KCNH1: variants seen among roughly 807,000 people sequenced by gnomAD.
KCNH1 encodes the protein potassium voltage-gated channel subfamily H member 1, also known as voltage-gated delayed rectifier potassium channel KCNH1.
KCNH1 carries 27 observed loss-of-function variants against 69.2 expected under a neutral mutation model. That is an observed-to-expected ratio of 0.39 (90% confidence interval 0.29 to 0.54). KCNH1 has a LOEUF of 0.54. Ranked by LOEUF, KCNH1 falls within the 20% of genes least tolerant of loss-of-function variation. The pLI is 0.68. For synonymous variants in KCNH1, 456 were observed against 487.7 expected, an observed-to-expected ratio of 0.93 and a Z score of 0.86; for missense variants, 798 against 1,261.6, an observed-to-expected ratio of 0.63 and a Z score of 5.57.
At chr1:211,108,390 G>C (rs1042231896) in intron 1 of KCNH1, 6 of 91,214 alleles carry the variant, frequency 6.6e-5, no homozygotes, top group Admixed American at 2.1e-4. Flanking sequence ...TATTATGTGT[G>C]TCTGTGTGTG....
intron 10 of KCNH1, among the ~76,000 whole-genome samples, chr1:210,726,139 A>G (rs1682584142): frequency 6.6e-6 from 1 of 152,180 alleles, no homozygotes. Context: ...ATTTCAATGC[A>G]AAAGGAGGTA....
chr1:211,027,895 C>T (rs1356390893), intron 5 of KCNH1, among the ~76,000 whole-genome samples: 2 of 152,090 alleles, frequency 1.3e-5, no homozygotes, highest in African/African-American at 4.8e-5. Flanking sequence ...GATAGAGCAA[C>T]TAGGTAGAAA....
intron 10 of KCNH1, among the ~76,000 whole-genome samples, chr1:210,703,034 A>G (rs1681821244): frequency 6.6e-6 from 1 of 152,088 alleles, no homozygotes; most frequent in African/African-American, 2.4e-5. Flanking sequence ...CTAATCTCCC[A>G]CATTTAACAC....
rs1276917284 is a variant in KCNH1 at position 210,679,055 on chromosome 1, G to C, written c.*4226C>G. 1 of 152,232 alleles carries C rather than the reference G, an allele frequency of 6.6e-6. No homozygotes were observed. Among genetic ancestry groups the C allele is most frequent in the Non-Finnish European group, 1.5e-5 (1 of 68,040 alleles). The allele number at this position is 152,232 out of a possible 1,614,324, so 9.4% of individuals were successfully genotyped here. A position where few individuals can be genotyped will look rare whatever the true frequency, so the allele number is the denominator to read the frequency against. On this transcript the variant is annotated 3_prime_UTR_variant, in exon 11 of 11. Coordinates refer to ENST00000271751, the MANE Select transcript of KCNH1 (RefSeq NM_172362.3). ...TGATTCTTTTGAGCTGTAGGGGGTA[G>C]AAATTAAAACTTCTCAACATGAACA... is the stretch of plus-strand genomic sequence containing the variant.
chr1:210,709,717 GAAA>G (rs1682009643), intron 10 of KCNH1, among the ~76,000 whole-genome samples: 1 of 136,216 alleles, frequency 7.3e-6, no homozygotes. Flanking sequence ...GAGAAAGAAA[GAAA>G]GAAGAGAGAG....
At chr1:210,799,737 C>T (rs920362606) in intron 8 of KCNH1, among the ~76,000 whole-genome samples, 1 of 152,202 alleles carries the variant, frequency 6.6e-6, no homozygotes, top group Admixed American at 6.5e-5. Flanking sequence ...TACTTTCCCA[C>T]CTCTGCTTCT....
intron 7 of KCNH1, among the ~76,000 whole-genome samples, chr1:210,848,617 TC>T (rs1685612368): frequency 6.6e-6 from 1 of 152,220 alleles, no homozygotes; most frequent in Non-Finnish European, 1.5e-5. Flanking sequence ...CTCTGTCCCA[TC>T]TTTTGAATAA....
chr1:210,771,560 T>C (rs1683754593), intron 10 of KCNH1, among the ~76,000 whole-genome samples: 1 of 152,216 alleles, frequency 6.6e-6, no homozygotes, highest in South Asian at 2.1e-4. Flanking sequence ...GGAACTGCCT[T>C]CTTTTTACTT....
At chr1:210,974,355 T>C (rs1268415373) in intron 6 of KCNH1, among the ~76,000 whole-genome samples, 2 of 152,158 alleles carry the variant, frequency 1.3e-5, no homozygotes, top group African/African-American at 4.8e-5. Flanking sequence ...AAAACAGCCA[T>C]GTATTCCTCA....
chr1:210,795,870 C>T (rs374428335), intron 9 of KCNH1, among the ~76,000 whole-genome samples: 3 of 152,040 alleles, frequency 2.0e-5, no homozygotes, highest in East Asian at 3.9e-4. Context: ...TGCCTGTAAT[C>T]CCAGCACTTT....
At chr1:211,008,913 T>C (rs867021467) in intron 6 of KCNH1, among the ~76,000 whole-genome samples, 1 of 152,070 alleles carries the variant, frequency 6.6e-6, no homozygotes, top group Non-Finnish European at 1.5e-5. Flanking sequence ...ATGAAAACAG[T>C]AAAAGGATAG....
chr1:210,859,093 A>C, intron 7 of KCNH1: 3 of 851,384 alleles, frequency 3.5e-6, no homozygotes. Flanking sequence ...AGAATAGATA[A>C]CATGAACCAG....
At position 211,104,193 on chromosome 1, in the gene KCNH1, C is replaced by T. The variant is rs370281077; in HGVS notation, c.204-591G>A. On this transcript the variant is annotated intron_variant, in intron 2 of 10. Transcript: ENST00000271751. ...AGAGGCAAGATCATGGAGGAGACCACGGCATTATAAGCCATGGGAAGTAAT... is the reference window on the plus strand; with the variant it reads ...AGAGGCAAGATCATGGAGGAGACCATGGCATTATAAGCCATGGGAAGTAAT... Among the ~76,000 whole-genome samples, 30 of 152,094 alleles carry T rather than the reference C, an allele frequency of 2.0e-4. No homozygotes were observed. The East Asian group carries it at 3.9e-3, about 20-fold the overall frequency.
chr1:211,130,888 A>T (rs181430921), intron 1 of KCNH1, among the ~76,000 whole-genome samples: 30 of 152,310 alleles, frequency 2.0e-4, no homozygotes, highest in Non-Finnish European at 4.4e-5. Flanking sequence ...AAATATAATT[A>T]GCCTTTCCTT....
chr1:210,772,022 G>A (rs930404021), intron 10 of KCNH1, among the ~76,000 whole-genome samples: 2 of 152,150 alleles, frequency 1.3e-5, no homozygotes, highest in African/African-American at 4.8e-5. Context: ...CATACCCTTG[G>A]ATTTAGGGAA....
chr1:210,935,567 C>G (rs552315667), intron 6 of KCNH1, among the ~76,000 whole-genome samples: 1 of 152,234 alleles, frequency 6.6e-6, no homozygotes, highest in South Asian at 2.1e-4. Context: ...ACTGATTTGA[C>G]CAGTACACAT....
At chr1:211,103,954 A>T (rs1691308514) in intron 2 of KCNH1, among the ~76,000 whole-genome samples, 2 of 152,242 alleles carry the variant, frequency 1.3e-5, no homozygotes, top group Admixed American at 1.3e-4. Flanking sequence ...AATGCTTTCC[A>T]GAAGTAAGGA....
At chr1:211,010,590 C>T (rs1399372324) in intron 6 of KCNH1, among the ~76,000 whole-genome samples, 3 of 152,146 alleles carry the variant, frequency 2.0e-5, no homozygotes, top group Non-Finnish European at 4.4e-5. Flanking sequence ...TGCTCTACTT[C>T]CTCCTCACCA....
chr1:211,061,322 A>G (rs1215837754), intron 5 of KCNH1, among the ~76,000 whole-genome samples: 1 of 152,216 alleles, frequency 6.6e-6, no homozygotes, highest in African/African-American at 2.4e-5. Flanking sequence ...TCAACACAAT[A>G]AAAGCCATAT....
Sources: allele counts gnomAD v4.1 joint callset (sites outside exome capture counted in the v4.1 genomes callset), GRCh38; gene constraint gnomAD v4.1.1; transcripts MANE v1.5; gene names NCBI Gene and HGNC (gene_info 2026-07-23, HGNC 2026-07-21).